EGFLAM: variants seen among roughly 807,000 people sequenced by gnomAD.
EGFLAM encodes the protein pikachurin.
Under a neutral mutation model 113.1 loss-of-function variants are expected in EGFLAM, and 79 were observed. The ratio of observed to expected loss-of-function variants is 0.70; its 90% CI spans 0.58 to 0.84. The LOEUF (loss-of-function observed/expected upper bound fraction) is 0.84. Ranked by LOEUF, EGFLAM falls within the 40% of genes least tolerant of loss-of-function variation. EGFLAM has a pLI of 0.00. For missense variants in EGFLAM, 1,265 were observed against 1,291.6 expected (o/e 0.98, Z 0.32); for synonymous variants, 504 against 487.6 (o/e 1.03, Z -0.44).
intron 1 of EGFLAM, among the ~76,000 whole-genome samples, chr5:38,278,975 G>A (rs941267925): frequency 1.3e-5 from 2 of 151,922 alleles, no homozygotes; most frequent in Non-Finnish European, 2.9e-5. Flanking sequence ...TCTGATAAGG[G>A]GCTAATATCC....
At chr5:38,439,631 T>C (rs192332883) in intron 17 of EGFLAM, among the ~76,000 whole-genome samples, 1 of 152,342 alleles carries the variant, frequency 6.6e-6, no homozygotes, top group Non-Finnish European at 1.5e-5. Flanking sequence ...GTATTTCTTA[T>C]GTTTAAATGA....
At chr5:38,269,987 T>C (rs1757728766) in intron 1 of EGFLAM, among the ~76,000 whole-genome samples, 1 of 152,208 alleles carries the variant, frequency 6.6e-6, no homozygotes. Flanking sequence ...AAGAGCATGA[T>C]CATTGCTATG....
intron 19 of EGFLAM, among the ~76,000 whole-genome samples, chr5:38,454,555 A>G (rs1258362813): frequency 2.0e-5 from 3 of 152,240 alleles, no homozygotes; most frequent in Non-Finnish European, 4.4e-5. Flanking sequence ...TTTACCTCAG[A>G]GAGAGAACAC....
At chr5:38,374,023 G>A (rs1561054520) in intron 6 of EGFLAM, among the ~76,000 whole-genome samples, 1 of 152,276 alleles carries the variant, frequency 6.6e-6, no homozygotes, top group East Asian at 1.9e-4. Context: ...ATACCATACT[G>A]GCCTCACAAA....
At chr5:38,462,785 CA>C (rs1743331309) in intron 20 of EGFLAM, 122 bp from the exon 21 acceptor site, 1 of 1,087,572 alleles carries the variant, frequency 9.2e-7, no homozygotes, top group Admixed American at 2.2e-5. Flanking sequence ...GCAGCCCCAT[CA>C]TTTAGCACAG....
intron 6 of EGFLAM, among the ~76,000 whole-genome samples, chr5:38,388,713 T>C (rs1211195162): frequency 1.3e-5 from 2 of 150,426 alleles, no homozygotes; most frequent in Admixed American, 6.6e-5. Flanking sequence ...GGAGCCGAGA[T>C]TGGGCCACTA....
At chr5:38,280,277 G>T (rs1003691264) in intron 1 of EGFLAM, among the ~76,000 whole-genome samples, 17 of 152,176 alleles carry the variant, frequency 1.1e-4, no homozygotes, top group Admixed American at 1.1e-3. Context: ...GGCATGTTCT[G>T]CCGTGCACTC....
intron 9 of EGFLAM, among the ~76,000 whole-genome samples, chr5:38,408,489 G>A (rs1403893219): frequency 6.6e-6 from 1 of 152,178 alleles, no homozygotes; most frequent in Admixed American, 6.5e-5. Flanking sequence ...TTGAAGTCAT[G>A]GCCACAGTGT....
intron 5 of EGFLAM, among the ~76,000 whole-genome samples, chr5:38,361,011 C>T (rs923406482): frequency 4.8e-5 from 7 of 147,088 alleles, no homozygotes; most frequent in East Asian, 1.9e-4. Flanking sequence ...TGTGCCACCA[C>T]GCCCAGCTAA....
At chr5:38,355,902 A>G (rs1739749985) in intron 5 of EGFLAM, among the ~76,000 whole-genome samples, 1 of 152,154 alleles carries the variant, frequency 6.6e-6, no homozygotes, top group Non-Finnish European at 1.5e-5. Flanking sequence ...CTGGGGTTAC[A>G]GGCACCCACC....
chr5:38,318,310 AATAAT>A (rs1738653847), intron 1 of EGFLAM, among the ~76,000 whole-genome samples: 1 of 151,448 alleles, frequency 6.6e-6, no homozygotes, highest in East Asian at 1.9e-4. Flanking sequence ...CTATAGATAG[AATAAT>A]ATATTATACT....
intron 5 of EGFLAM, 136 bp from the exon 6 acceptor site, chr5:38,370,160 C>A: frequency 1.1e-6 from 1 of 870,526 alleles, no homozygotes; most frequent in Non-Finnish European, 1.7e-6. Flanking sequence ...GGATTACTTT[C>A]AGATAGGAAA....
intron 20 of EGFLAM, chr5:38,461,151 T>A (rs1228969840): frequency 6.6e-6 from 1 of 152,212 alleles, no homozygotes; most frequent in Non-Finnish European, 1.5e-5. Flanking sequence ...ATCTCCACAA[T>A]AATCTCGGGA....
chr5:38,382,905 C>T (rs569775686), intron 6 of EGFLAM, among the ~76,000 whole-genome samples: 60 of 152,238 alleles, frequency 3.9e-4, no homozygotes, highest in Non-Finnish European at 7.1e-4. Flanking sequence ...CCATTTTGGC[C>T]CAGTGGAATG....
intron 11 of EGFLAM, among the ~76,000 whole-genome samples, chr5:38,415,224 G>A (rs915396685): frequency 9.2e-5 from 14 of 151,878 alleles, no homozygotes; most frequent in Admixed American, 1.3e-4. Context: ...TTAGCCAGGC[G>A]TGGTGGTGGG....
chr5:38,408,257 T>C (rs1006334413), intron 9 of EGFLAM, among the ~76,000 whole-genome samples: 1 of 152,212 alleles, frequency 6.6e-6, no homozygotes, highest in Non-Finnish European at 1.5e-5. Context: ...TCCAAAATTG[T>C]TTAAAAAGAG....
intron 12 of EGFLAM, among the ~76,000 whole-genome samples, chr5:38,419,043 C>A (rs1282347506): frequency 1.3e-5 from 2 of 152,100 alleles, no homozygotes; most frequent in African/African-American, 4.8e-5. Context: ...CTGGAGAGGC[C>A]TCTCTCCTTG....
At chr5:38,339,544 A>G (rs1434250935) in intron 3 of EGFLAM, among the ~76,000 whole-genome samples, 1 of 152,336 alleles carries the variant, frequency 6.6e-6, no homozygotes, top group African/African-American at 2.4e-5. Flanking sequence ...ATGATAAGGA[A>G]CTATCACTTA....
At chr5:38,377,991 C>T (rs1257140425) in intron 6 of EGFLAM, among the ~76,000 whole-genome samples, 1 of 152,158 alleles carries the variant, frequency 6.6e-6, no homozygotes, top group Non-Finnish European at 1.5e-5. Context: ...TAATTATGGT[C>T]TCAGATCCTC....
Sources: gnomAD v4.1 joint callset for allele counts (sites outside exome capture counted in the v4.1 genomes callset) on GRCh38, gnomAD v4.1.1 for gene constraint, MANE v1.5 for transcripts, NCBI Gene and HGNC (gene_info 2026-07-23, HGNC 2026-07-21) for gene names.